Variants in CEP57L1 observed in about 807,000 individuals in gnomAD.
The protein encoded by CEP57L1 is centrosomal protein 57 like 1.
A neutral mutation model predicts 61.0 loss-of-function variants in CEP57L1; 37 were observed. The observed-to-expected ratio is 0.61, with a 90% CI of 0.47 to 0.80. The LOEUF (loss-of-function observed/expected upper bound fraction) is 0.80. Ranked by LOEUF, CEP57L1 falls within the 30% of genes least tolerant of loss-of-function variation. The probability of loss-of-function intolerance (pLI) is 0.00; values close to 1 mark genes in which losing one functional copy is unlikely to be tolerated. For synonymous variants in CEP57L1, 137 were observed against 162.3 expected (o/e 0.84, Z 1.19); for missense variants, 422 against 524.7 (o/e 0.80, Z 1.91).
chr6:109,095,250 A>C, upstream of CEP57L1: 2 of 985,588 alleles, frequency 2.0e-6, no homozygotes, highest in Non-Finnish European at 2.4e-6. Flanking sequence ...GGGAAGGAAA[A>C]AGTAAGACGT....
intron 1 of CEP57L1, among the ~76,000 whole-genome samples, chr6:109,143,068 C>T (rs1221226975): frequency 1.3e-5 from 2 of 150,470 alleles, no homozygotes; most frequent in Non-Finnish European, 3.0e-5. Flanking sequence ...TCTGACTCCC[C>T]CTCCATTGTC....
intron 1 of CEP57L1, among the ~76,000 whole-genome samples, chr6:109,138,293 T>A (rs1770962788): frequency 6.6e-6 from 1 of 152,136 alleles, no homozygotes. Flanking sequence ...AAGAATAGAT[T>A]GCTGAGGAAC....
chr6:109,107,101 A>G (rs927212797), intron 1 of CEP57L1, among the ~76,000 whole-genome samples: 1 of 152,366 alleles, frequency 6.6e-6, no homozygotes, highest in African/African-American at 2.4e-5. Context: ...AGCAATTATC[A>G]AAACAGACCC....
In CEP57L1 at chr6:109,160,575, G is replaced by A. The variant is rs1428454309; in HGVS notation, c.1020G>A (p.Glu340=). ...AATATTTGCTATTCTTTCATAGGGAGCACCAAGAACTACTGAAACAAATGA... is the reference window on the plus strand; with the variant it reads ...AATATTTGCTATTCTTTCATAGGGAACACCAAGAACTACTGAAACAAATGA... ...MQDELDQMSM[E]HQELLKQMKE... The change falls in exon 10 of 11, where the codon GAG becomes GAA. Residue 340 remains glutamate (E), a synonymous_variant. Transcript: ENST00000517392. 5.0e-6 allele frequency: 8 copies of A among 1,601,174 alleles called. No homozygotes were observed. Among genetic ancestry groups the A allele is most frequent in the Middle Eastern group, 1.7e-4 (1 of 6,034 alleles).
chr6:109,152,363 G>A (rs1281127275), intron 4 of CEP57L1, among the ~76,000 whole-genome samples: 1 of 152,024 alleles, frequency 6.6e-6, no homozygotes, highest in African/African-American at 2.4e-5. Flanking sequence ...TGTATTTTTA[G>A]TAGAGACAGG....
intron 1 of CEP57L1, among the ~76,000 whole-genome samples, chr6:109,123,800 G>T (rs1226931831): frequency 6.6e-6 from 1 of 152,158 alleles, no homozygotes; most frequent in African/African-American, 2.4e-5. Flanking sequence ...CAGGCATGGT[G>T]GTTCACACCT....
chr6:109,113,823 A>T (rs1370865704), intron 1 of CEP57L1, among the ~76,000 whole-genome samples: 1 of 152,204 alleles, frequency 6.6e-6, no homozygotes, highest in African/African-American at 2.4e-5. Context: ...CATGTTAAAA[A>T]GTCCAGTGTA....
chr6:109,163,020 A>G lies in CEP57L1; in HGVS notation c.*50A>G. ...ATGAACTTTGTCAGTGAGACCTTGA[A>G]TTGTCTAAAGTGGTTTTAATTTAAT... is the stretch of plus-strand genomic sequence containing the variant. On this transcript the variant is annotated 3_prime_UTR_variant, in exon 11 of 11. Coordinates refer to ENST00000517392, the MANE Select transcript of CEP57L1 (RefSeq NM_001271852.3). 1 of 1,169,882 alleles carries G rather than the reference A, an allele frequency of 8.5e-7. No homozygotes were observed. The highest frequency in any genetic ancestry group is 1.3e-6 in the Non-Finnish European group (1 of 788,914). 72.5% of individuals were successfully genotyped at this position (1,169,882 alleles called of 1,614,324 possible).
intron 1 of CEP57L1, among the ~76,000 whole-genome samples, chr6:109,102,310 T>A (rs889867250): frequency 6.6e-6 from 1 of 152,160 alleles, no homozygotes; most frequent in Non-Finnish European, 1.5e-5. Context: ...CAGTCCTGCC[T>A]CAGCCTCCGA....
rs939678845 is a variant in CEP57L1 at position 109,130,073 on chromosome 6, C to G, written c.-3-15146C>G. Among the ~76,000 whole-genome samples, 25 of 152,164 alleles carry G rather than the reference C, an allele frequency of 1.6e-4. 1 individual carries two copies. The highest frequency in any genetic ancestry group is 6.0e-4 in the African/African-American group (25 of 41,442). ...CTCTCCTTTGTGTTCCCATGGCTTT[C>G]TGCATATGCTTTTGTTATGGAACCA... On this transcript the variant is annotated intron_variant, in intron 1 of 10. Transcript: ENST00000517392.
At chr6:109,118,340 T>C (rs1317344270) in intron 1 of CEP57L1, among the ~76,000 whole-genome samples, 1 of 152,240 alleles carries the variant, frequency 6.6e-6, no homozygotes, top group Non-Finnish European at 1.5e-5. Context: ...GTAAAATATA[T>C]TTTTATCAAT....
At chr6:109,142,950 T>G (rs573848960) in intron 1 of CEP57L1, among the ~76,000 whole-genome samples, 814 of 11,864 alleles carry the variant, frequency 0.069, 2 homozygotes, top group Non-Finnish European at 0.09. Context: ...TCTCTTGCTC[T>G]CTCTCTCTCT....
chr6:109,154,024 T>A, intron 5 of CEP57L1, 75 bp downstream of exon 5: 1 of 789,026 alleles, frequency 1.3e-6, no homozygotes, highest in Non-Finnish European at 2.1e-6. Flanking sequence ...TATGTGAATG[T>A]AGAGTAAATC....
intron 6 of CEP57L1, 52 bp downstream of exon 6, chr6:109,155,359 T>C (rs1773112786): frequency 3.1e-6 from 3 of 978,826 alleles, no homozygotes; most frequent in South Asian, 4.7e-5. Context: ...TGTTTTATTA[T>C]ATTTTTATTT....
At position 109,129,350 on chromosome 6, in the gene CEP57L1, C is replaced by T. The variant is rs9480904; in HGVS notation, c.-3-15869C>T. 1.0e-3 allele frequency: 1,264 copies of T among 1,205,660 alleles called. 11 individuals carry two copies. The African/African-American group carries it at 0.018, about 17-fold the overall frequency. The allele number at this position is 1,205,660 out of a possible 1,614,324, so 74.7% of individuals were successfully genotyped here. A position where few individuals can be genotyped will look rare whatever the true frequency, so the allele number is the denominator to read the frequency against. On this transcript the variant is annotated intron_variant, in intron 1 of 10. Transcript: ENST00000517392. ...ACTTGGATATAATAATATAGACTGC[C>T]GACATTCTGGGAACTGATCAGTCTT...
intron 4 of CEP57L1, 130 bp from the exon 5 acceptor site, chr6:109,153,703 G>A (rs1475575814): frequency 5.9e-6 from 4 of 673,586 alleles, no homozygotes; most frequent in South Asian, 5.4e-5. Context: ...TAAAGTATGT[G>A]TGTTTGTTTA....
At position 109,167,434 on chromosome 6, in the gene CEP57L1, G is replaced by A. The variant is rs1030694167; in HGVS notation, c.*4464G>A. Among the ~76,000 whole-genome samples the A allele has an allele frequency of 4.6e-5, 7 of 152,032 alleles. No homozygotes were observed. The highest frequency in any genetic ancestry group is 3.9e-4 in the Admixed American group (6 of 15,266). On this transcript the variant is annotated 3_prime_UTR_variant, in exon 11 of 11. Transcript: ENST00000517392. ...ACTGTGTCTTACGCCTGTAATCCCA[G>A]CACTGTGAGAGGCCGAGGCAGGCGG...
At chr6:109,138,623 G>A (rs888660515) in intron 1 of CEP57L1, among the ~76,000 whole-genome samples, 1 of 152,150 alleles carries the variant, frequency 6.6e-6, no homozygotes, top group Non-Finnish European at 1.5e-5. Flanking sequence ...TTATATTCCT[G>A]TCAGCTATGT....
chr6:109,132,605 G>A (rs901525763), intron 1 of CEP57L1, among the ~76,000 whole-genome samples: 2 of 152,098 alleles, frequency 1.3e-5, no homozygotes, highest in African/African-American at 4.8e-5. Context: ...GTTTCTCTAA[G>A]ACTTATTCGC....
Sources: allele counts gnomAD v4.1 joint callset (sites outside exome capture counted in the v4.1 genomes callset), GRCh38; gene constraint gnomAD v4.1.1; transcripts MANE v1.5; gene names NCBI Gene and HGNC (gene_info 2026-07-23, HGNC 2026-07-21).